Variants in CCM2 observed in about 807,000 individuals in gnomAD.
The protein encoded by CCM2 is CCM2 scaffold protein.
A neutral mutation model predicts 44.9 loss-of-function variants in CCM2; 25 were observed. The ratio of observed to expected loss-of-function variants is 0.56; its 90% CI spans 0.41 to 0.78. The LOEUF (loss-of-function observed/expected upper bound fraction) is 0.78, where lower values mean the gene tolerates loss of function less well. Among genes scored for constraint, CCM2 ranks in the 30% least tolerant of loss-of-function variants. The pLI is 0.00. For synonymous variants in CCM2, 219 were observed against 241.1 expected, an observed-to-expected ratio of 0.91 and a Z score of 0.85; for missense variants, 481 against 580.6, an observed-to-expected ratio of 0.83 and a Z score of 1.76.
At chr7:45,056,952 C>G (rs531626759) in intron 2 of CCM2, among the ~76,000 whole-genome samples, 1 of 152,256 alleles carries the variant, frequency 6.6e-6, no homozygotes, top group South Asian at 2.1e-4. Context: ...TTAGGTCTCA[C>G]ATTTATATAT....
Position 45,068,505 on chromosome 7 carries a change from G to T in CCM2, c.535G>T (p.Ala179Ser), listed in dbSNP as rs373136857. The T allele has an allele frequency of 1.3e-5, 21 of 1,614,038 alleles. No individual in the cohort carries two copies. The African/African-American group carries it at 2.3e-4, about 17-fold the overall frequency. ...TGCGGAAAGTTCCAGAGGCCTCAGT[G>T]CAGGCTCCCTGTCGGAGAGTGCAGT... is the stretch of plus-strand genomic sequence containing the variant. ...LCAESSRGLS[A>S]GSLSESAVGP... Residue 179 changes from alanine to serine, a missense_variant, in exon 5 of 10, where the codon GCA becomes TCA. By Grantham distance (99) the Ala-to-Ser change is moderately conservative. Transcript: ENST00000258781.
intron 4 of CCM2, among the ~76,000 whole-genome samples, chr7:45,065,003 A>G (rs1227506343): frequency 6.6e-6 from 1 of 151,928 alleles, no homozygotes; most frequent in Non-Finnish European, 1.5e-5. Context: ...GTGGATAGGG[A>G]CCTCACCTCA....
chr7:45,018,524 T>C (rs961449853), intron 1 of CCM2, among the ~76,000 whole-genome samples: 34 of 151,114 alleles, frequency 2.2e-4, no homozygotes, highest in Admixed American at 5.9e-4. Context: ...GCCCAGCTAA[T>C]TTTTTTTTGT....
chr7:45,040,026 CAAAAG>C (rs895777804), intron 2 of CCM2, among the ~76,000 whole-genome samples: 1 of 150,592 alleles, frequency 6.6e-6, no homozygotes, highest in African/African-American at 2.4e-5. Flanking sequence ...GACTGTATGT[CAAAAG>C]AAAACAAAAC....
At position 45,018,437 on chromosome 7, in the gene CCM2, A is replaced by C. The variant is rs371015363; in HGVS notation, c.30+18074A>C. 4.0e-5 allele frequency among the ~76,000 whole-genome samples: 6 copies of C among 151,820 alleles called. No homozygotes were observed. In the East Asian group the frequency reaches 9.7e-4, roughly 25 times the overall value. ...CAGTGGCGTGATCTTGCTCACTGCA[A>C]CCTCCACCTCCTGGGTTCAAGTGAT... On this transcript the variant is annotated intron_variant, in intron 1 of 9. Coordinates refer to ENST00000258781, the MANE Select transcript of CCM2 (RefSeq NM_031443.4).
intron 1 of CCM2, 30 bp downstream of exon 1, chr7:45,000,393 G>T (rs1795545175): frequency 1.6e-6 from 2 of 1,263,414 alleles, no homozygotes; most frequent in Non-Finnish European, 1.0e-6. Flanking sequence ...TCCTACTGCT[G>T]TGGTCGGCGG....
At position 45,070,437 on chromosome 7, in the gene CCM2, A is replaced by G. The variant is rs1341256427; in HGVS notation, c.745+476A>G. The G allele has an allele frequency of 6.6e-6, 3 of 456,482 alleles. No individual in the cohort carries two copies. In the Admixed American group the frequency reaches 7.0e-5, roughly 11 times the overall value. The allele number at this position is 456,482 out of a possible 1,614,324, so 28.3% of individuals were successfully genotyped here. A position where few individuals can be genotyped will look rare whatever the true frequency, so the allele number is the denominator to read the frequency against. ...GCTGCTCAGGCTGCCCTGGGAGGCC[A>G]GCTGGCAGTGGTGGAGCAGTGGCAG... On this transcript the variant is annotated intron_variant, in intron 6 of 9. Coordinates refer to ENST00000258781, the MANE Select transcript of CCM2 (RefSeq NM_031443.4).
chr7:45,041,482 C>G (rs553800499), intron 2 of CCM2, among the ~76,000 whole-genome samples: 1 of 152,256 alleles, frequency 6.6e-6, no homozygotes, highest in East Asian at 1.9e-4. Context: ...CTTTTTGCCT[C>G]ATGTAGCCCA....
chr7:45,055,644 C>CA (rs1270466649), intron 2 of CCM2, among the ~76,000 whole-genome samples: 3 of 152,132 alleles, frequency 2.0e-5, no homozygotes, highest in African/African-American at 7.2e-5. Flanking sequence ...GCTGAGATCG[C>CA]ACCACTGCAC....
At chr7:45,062,254 G>A (rs773166762) in intron 2 of CCM2, among the ~76,000 whole-genome samples, 1 of 152,140 alleles carries the variant, frequency 6.6e-6, no homozygotes, top group Non-Finnish European at 1.5e-5. Flanking sequence ...ACTGTGTGAG[G>A]TAATGAACAA....
intron 1 of CCM2, among the ~76,000 whole-genome samples, chr7:45,032,165 C>A (rs1796999439): frequency 6.6e-6 from 1 of 152,046 alleles, no homozygotes; most frequent in South Asian, 2.1e-4. Flanking sequence ...ATTCCACTTT[C>A]TAGGAAGGCT....
At chr7:45,024,477 T>C (rs1439091685) in intron 1 of CCM2, among the ~76,000 whole-genome samples, 2 of 152,232 alleles carry the variant, frequency 1.3e-5, no homozygotes, top group South Asian at 4.1e-4. Flanking sequence ...TTCTTTTCTC[T>C]GCTTCCTGGG....
At chr7:45,000,762 A>G (rs1795579953) in intron 1 of CCM2, among the ~76,000 whole-genome samples, 1 of 152,246 alleles carries the variant, frequency 6.6e-6, no homozygotes, top group Non-Finnish European at 1.5e-5. Flanking sequence ...ATATCCAGTA[A>G]AAGCAAGGGT....
chr7:45,018,314 T>C (rs570887359), intron 1 of CCM2, among the ~76,000 whole-genome samples: 9 of 152,140 alleles, frequency 5.9e-5, no homozygotes, highest in Non-Finnish European at 1.2e-4. Flanking sequence ...TTACAGGATA[T>C]AGAATTCTAG....
At chr7:45,050,953 C>A (rs555601497) in intron 2 of CCM2, among the ~76,000 whole-genome samples, 15 of 152,080 alleles carry the variant, frequency 9.9e-5, no homozygotes, top group Admixed American at 9.2e-4. Flanking sequence ...ATCATAGACT[C>A]GGGTTAATTT....
chr7:45,042,190 C>T (rs67952548), intron 2 of CCM2, among the ~76,000 whole-genome samples: 16,920 of 144,194 alleles, frequency 0.12, 1,044 homozygotes, highest in Middle Eastern at 0.17. Flanking sequence ...TGCTTGACTC[C>T]GGAAGATGGA....
intron 1 of CCM2, among the ~76,000 whole-genome samples, chr7:45,001,197 T>A (rs1027795958): frequency 1.3e-5 from 2 of 152,196 alleles, no homozygotes; most frequent in African/African-American, 4.8e-5. Flanking sequence ...AATTGACAGC[T>A]ACTCACCACC....
At chr7:45,059,302 G>C (rs1798413389) in intron 2 of CCM2, among the ~76,000 whole-genome samples, 1 of 151,760 alleles carries the variant, frequency 6.6e-6, no homozygotes, top group African/African-American at 2.4e-5. Context: ...AAAAGTTTTG[G>C]CCAGGCATGG....
At position 45,064,544 on chromosome 7, in the gene CCM2, T is replaced by A; in HGVS notation, c.370T>A (p.Trp124Arg). Residue 124 changes from tryptophan (W) to arginine (R), a missense_variant, in exon 4 of 10, where the codon TGG becomes AGG. By Grantham distance (101) the Trp-to-Arg change is moderately radical. Transcript: ENST00000258781. ...SLSAYNVKLAWRDGEDIILRV... is the reference protein window; with the variant it reads ...SLSAYNVKLARRDGEDIILRV... ...GTCTGCGTACAACGTCAAGCTGGCCTGGAGGGACGGGGAGGATATCATCCT... is the reference window on the plus strand; with the variant it reads ...GTCTGCGTACAACGTCAAGCTGGCCAGGAGGGACGGGGAGGATATCATCCT... 6.2e-7 allele frequency: 1 copy of A among 1,614,030 alleles called. No individual in the cohort carries two copies. The highest frequency in any genetic ancestry group is 2.2e-5 in the East Asian group (1 of 44,878).
Sources: allele counts gnomAD v4.1 joint callset (sites outside exome capture counted in the v4.1 genomes callset), GRCh38; gene constraint gnomAD v4.1.1; transcripts MANE v1.5; gene names NCBI Gene and HGNC (gene_info 2026-07-23, HGNC 2026-07-21).